Variants in TMBIM4 observed in about 807,000 individuals in gnomAD.
The protein encoded by TMBIM4 is transmembrane BAX inhibitor motif containing 4, also known as protein lifeguard 4.
In TMBIM4, 28 loss-of-function variants were observed where a neutral mutation model predicts 27.7. The ratio of observed to expected loss-of-function variants is 1.01; its 90% CI spans 0.75 to 1.38. The LOEUF (loss-of-function observed/expected upper bound fraction) is 1.38, where lower values mean the gene tolerates loss of function less well. TMBIM4 is among the 40% of genes most tolerant of loss of function. TMBIM4 has a pLI of 0.00. For missense variants in TMBIM4, 265 were observed against 277.5 expected (o/e 0.95, Z 0.32); for synonymous variants, 115 against 113.1 (o/e 1.02, Z -0.11).
Position 66,138,735 on chromosome 12 carries a change from C to T in TMBIM4, c.499G>A (p.Gly167Arg). ...ATAACATAACTTACCTTCAAGAATC[C>T]TGACAGGCACAATATCCACAAAAGA... The part of the protein sequence containing the change: ...FALLWILCLS[G>R]FLKFFFYSEI... Residue 167 changes from glycine to arginine, a missense_variant, in exon 6 of 7, where the codon GGA becomes AGA. Transcript: ENST00000358230. 2 of 1,549,886 alleles carry T rather than the reference C, an allele frequency of 1.3e-6. No homozygotes were observed.
In TMBIM4 at chr12:66,138,110, A is replaced by G; in HGVS notation, c.567T>C (p.Leu189=). The change falls in exon 7 of 7, where the codon CTT becomes CTC. Residue 189 remains leucine (L), a synonymous_variant. Coordinates refer to ENST00000358230, the MANE Select transcript of TMBIM4 (RefSeq NM_016056.4). ...TGTCATAGATGATGAATCCACAGAAAAGAAGGGCTCCTGCAGCGGCTAAGA... is the reference window on the plus strand; with the variant it reads ...TGTCATAGATGATGAATCCACAGAAGAGAAGGGCTCCTGCAGCGGCTAAGA... ...ELVLAAAGAL[L]FCGFIIYDTH... 6.2e-7 allele frequency: 1 copy of G among 1,614,108 alleles called. No individual in the cohort carries two copies. The highest frequency in any genetic ancestry group is 8.5e-7 in the Non-Finnish European group (1 of 1,179,972).
chr12:66,147,992 G>A, intron 3 of TMBIM4, 51 bp from the exon 4 acceptor site: 2 of 1,521,354 alleles, frequency 1.3e-6, no homozygotes, highest in Middle Eastern at 1.7e-4. Flanking sequence ...ACTATCTCAT[G>A]TACATTTTCT....
chr12:66,143,946 C>T (rs1196502316), intron 5 of TMBIM4, among the ~76,000 whole-genome samples: 6 of 152,020 alleles, frequency 3.9e-5, no homozygotes, highest in Non-Finnish European at 8.8e-5. Flanking sequence ...GGCATACTGA[C>T]CAAAGTATAA....
In TMBIM4 at chr12:66,145,952, A is replaced by G. The variant is rs1353292788; in HGVS notation, c.353T>C (p.Phe118Ser). Residue 118 changes from phenylalanine (F) to serine (S), a missense_variant, in exon 5 of 7, where the codon TTC becomes TCC. Transcript: ENST00000358230. ...TTGCAGAATAATATATACATCATAG[A>G]AAGTAACTGTAAAATTAAAACACTG... ...EALTVAVVVT[F>S]YDVYIILQAF... 8 of 1,508,562 alleles carry G rather than the reference A, an allele frequency of 5.3e-6. No individual in the cohort carries two copies. The highest frequency in any genetic ancestry group is 7.3e-6 in the Non-Finnish European group (8 of 1,094,764). 93.4% of individuals were successfully genotyped at this position (1,508,562 alleles called of 1,614,324 possible).
chr12:66,157,235 T>C (rs2051951956), intron 1 of TMBIM4, among the ~76,000 whole-genome samples: 1 of 152,076 alleles, frequency 6.6e-6, no homozygotes, highest in Non-Finnish European at 1.5e-5. Flanking sequence ...AGCTATGTTG[T>C]GAGGAAACTA....
At chr12:66,158,270 T>C (rs1378829576) in intron 1 of TMBIM4, among the ~76,000 whole-genome samples, 1 of 148,210 alleles carries the variant, frequency 6.7e-6, no homozygotes, top group Non-Finnish European at 1.5e-5. Flanking sequence ...CTGACTCAGG[T>C]AATCAAAAAA....
chr12:66,153,822 TAGAA>T (rs1486615237), intron 1 of TMBIM4, among the ~76,000 whole-genome samples: 10 of 151,150 alleles, frequency 6.6e-5, no homozygotes, highest in Non-Finnish European at 1.3e-4. Context: ...AAAGGAGAAA[TAGAA>T]AGCATATAAA....
chr12:66,138,783 A>C lies in TMBIM4; in HGVS notation c.465-14T>G. ...AGAGCAAACAGCCTATAAAAATACA[A>C]TTTTAGTAATTTGCAATATTGTTCC... On this transcript the variant is annotated splice_polypyrimidine_tract_variant and intron_variant, in intron 5 of 6. Transcript: ENST00000358230. The C allele has an allele frequency of 1.2e-5, 18 of 1,529,340 alleles. No homozygotes were observed. The highest frequency in any genetic ancestry group is 1.6e-5 in the Non-Finnish European group (18 of 1,147,328). 94.7% of individuals were successfully genotyped at this position (1,529,340 alleles called of 1,614,324 possible).
intron 1 of TMBIM4, among the ~76,000 whole-genome samples, chr12:66,162,985 A>C (rs2052067316): frequency 6.6e-6 from 1 of 152,206 alleles, no homozygotes; most frequent in South Asian, 2.1e-4. Context: ...GTCTTTACAT[A>C]CATTAGAAAG....
intron 1 of TMBIM4, among the ~76,000 whole-genome samples, chr12:66,168,347 C>G (rs752732969): frequency 2.0e-5 from 3 of 151,828 alleles, no homozygotes; most frequent in Non-Finnish European, 2.9e-5. Flanking sequence ...GCCAAATTCA[C>G]AGAGAGAGAA....
In TMBIM4 at chr12:66,169,392, C is replaced by G. The variant is rs116169468; in HGVS notation, c.97+463G>C. 814 of 611,918 alleles carry G rather than the reference C, an allele frequency of 1.3e-3. 9 individuals are homozygous for G. The African/African-American group carries it at 0.014, about 10-fold the overall frequency. 37.9% of individuals were successfully genotyped at this position (611,918 alleles called of 1,614,324 possible). ...ATAGTGCCGTCAGGGAGCTTCCAGC[C>G]TAGCACAGGACGGTAAATATAAGCC... is the stretch of plus-strand genomic sequence containing the variant. On this transcript the variant is annotated intron_variant, in intron 1 of 6. Transcript: ENST00000358230.
intron 1 of TMBIM4, among the ~76,000 whole-genome samples, chr12:66,153,806 A>T (rs2051890574): frequency 6.6e-6 from 1 of 152,206 alleles, no homozygotes; most frequent in African/African-American, 2.4e-5. Context: ...TATATCTTGA[A>T]TCTGAAAAGG....
intron 6 of TMBIM4, 88 bp downstream of exon 6, chr12:66,138,631 CTATCA>C: frequency 3.5e-6 from 3 of 846,368 alleles, no homozygotes; most frequent in Non-Finnish European, 5.4e-6. Flanking sequence ...ACTAAGTGTC[CTATCA>C]TAAGAGTATC....
At chr12:66,158,200 TG>T (rs2051971675) in intron 1 of TMBIM4, among the ~76,000 whole-genome samples, 1 of 124,908 alleles carries the variant, frequency 8.0e-6, no homozygotes, top group Admixed American at 1.0e-4. Context: ...CACTCCAGCC[TG>T]GGCGACAGAG....
At chr12:66,169,473 T>C (rs2052195993) in intron 1 of TMBIM4, 1 of 509,084 alleles carries the variant, frequency 2.0e-6, no homozygotes, top group African/African-American at 2.0e-5. Flanking sequence ...CACTCGTGTG[T>C]ACGTCAGTCA....
At chr12:66,156,854 T>C (rs1442240107) in intron 1 of TMBIM4, among the ~76,000 whole-genome samples, 1 of 152,148 alleles carries the variant, frequency 6.6e-6, no homozygotes, top group African/African-American at 2.4e-5. Context: ...TCACAGTTCT[T>C]TGACACTCCC....
intron 1 of TMBIM4, chr12:66,160,054 G>T: frequency 1.8e-6 from 1 of 571,056 alleles, no homozygotes; most frequent in African/African-American, 1.9e-5. Context: ...AGTTTTATTG[G>T]GACACAATCA....
chr12:66,155,540 C>A (rs901152931), intron 1 of TMBIM4, among the ~76,000 whole-genome samples: 3 of 152,104 alleles, frequency 2.0e-5, no homozygotes, highest in Non-Finnish European at 4.4e-5. Flanking sequence ...ACCACATTCC[C>A]GGGCTGGTCT....
At chr12:66,148,224 C>T (rs2051784019) in intron 3 of TMBIM4, among the ~76,000 whole-genome samples, 1 of 152,094 alleles carries the variant, frequency 6.6e-6, no homozygotes, top group Admixed American at 6.6e-5. Flanking sequence ...TTCTGTTTTT[C>T]TTACTGTGTA....
Sources: gnomAD v4.1 joint callset for allele counts (sites outside exome capture counted in the v4.1 genomes callset) on GRCh38, gnomAD v4.1.1 for gene constraint, MANE v1.5 for transcripts, NCBI Gene and HGNC (gene_info 2026-07-23, HGNC 2026-07-21) for gene names.